Variants in TRDMT1 observed in about 807,000 individuals in gnomAD.
TRDMT1 encodes tRNA aspartic acid methyltransferase 1.
In TRDMT1, 49 loss-of-function variants were observed where a neutral mutation model predicts 51.2. The observed-to-expected ratio is 0.96, with a 90% CI of 0.76 to 1.21. TRDMT1 has a LOEUF of 1.21. Among genes scored for constraint, TRDMT1 ranks in the 50% most tolerant of loss-of-function variants. TRDMT1 has a pLI of 0.00. For missense variants in TRDMT1, 534 were observed against 462.3 expected (o/e 1.16, Z -1.42); for synonymous variants, 187 against 164.6 (o/e 1.14, Z -1.04).
rs147275260 is a variant in TRDMT1 at position 17,181,526 on chromosome 10, C to T, written c.65-6866G>A. The stretch of plus-strand genomic sequence containing the variant: ...CATACAAGAGAATAAGTGAATTATA[C>T]TTCCTAAAATCAACTCCAGATTATT... On this transcript the variant is annotated intron_variant, in intron 1 of 10. Coordinates refer to ENST00000377799, the MANE Select transcript of TRDMT1 (RefSeq NM_004412.7). Among the ~76,000 whole-genome samples, 1,236 of 152,316 alleles carry T rather than the reference C, an allele frequency of 8.1e-3. 21 individuals carry two copies. Among genetic ancestry groups the T allele is most frequent in the African/African-American group, 0.027 (1,140 of 41,570 alleles).
At chr10:17,192,422 T>C (rs534726429) in intron 1 of TRDMT1, among the ~76,000 whole-genome samples, 1 of 152,320 alleles carries the variant, frequency 6.6e-6, no homozygotes, top group Admixed American at 6.5e-5. Context: ...TCAAAGTTCG[T>C]CCAAATTATG....
At chr10:17,170,438 G>T (rs1243399497) in intron 2 of TRDMT1, among the ~76,000 whole-genome samples, 1 of 152,136 alleles carries the variant, frequency 6.6e-6, no homozygotes, top group African/African-American at 2.4e-5. Flanking sequence ...AAATACTTTT[G>T]CTTTCAGATA....
In TRDMT1 at chr10:17,153,591, G is replaced by A; in HGVS notation, c.991C>T (p.Gln331Ter). Residue 331 changes from glutamine (Q) to a stop codon, truncating the protein, a stop_gained, in exon 10 of 11, where the codon CAG becomes TAG. Coordinates refer to ENST00000377799, the MANE Select transcript of TRDMT1 (RefSeq NM_004412.7). LOFTEE classifies it high-confidence loss of function. Reference sequence around the variant, plus strand: ...TTAAGTATTAACAGCTTTGTTATCTGTTCTTCTTGTGACAAATTGGTAAGG... The same window carrying A: ...TTAAGTATTAACAGCTTTGTTATCTATTCTTCTTGTGACAAATTGGTAAGG... ...KSLTNLSQEEQITKLLILKLR... is the reference protein window; with the variant it reads ...KSLTNLSQEE 1.2e-6 allele frequency: 2 copies of A among 1,606,184 alleles called. No individual in the cohort carries two copies. Among genetic ancestry groups the A allele is most frequent in the Non-Finnish European group, 1.7e-6 (2 of 1,177,102 alleles).
At chr10:17,178,503 T>G (rs1588622784) in intron 1 of TRDMT1, among the ~76,000 whole-genome samples, 1 of 151,718 alleles carries the variant, frequency 6.6e-6, no homozygotes, top group South Asian at 2.1e-4. Flanking sequence ...TAGTGAAACC[T>G]CATCTCTACT....
chr10:17,140,203 C>T lies in TRDMT1; in HGVS notation c.*8837G>A, dbSNP rs1173109822. Among the ~76,000 whole-genome samples, 2 of 146,180 alleles carry T rather than the reference C, an allele frequency of 1.4e-5. No individual in the cohort carries two copies. Among genetic ancestry groups the T allele is most frequent in the Non-Finnish European group, 3.0e-5 (2 of 67,038 alleles). On this transcript the variant is annotated 3_prime_UTR_variant, in exon 11 of 11. Coordinates refer to ENST00000377799, the MANE Select transcript of TRDMT1 (RefSeq NM_004412.7). Reference sequence around the variant, plus strand: ...AGCTGAGATTACAGGCACATGCCACCACATCCAGCTATTTTTTTTTTTTTT... The same window carrying T: ...AGCTGAGATTACAGGCACATGCCACTACATCCAGCTATTTTTTTTTTTTTT...
rs1265582900 is a variant in TRDMT1 at position 17,143,656 on chromosome 10, A to G, written c.*5384T>C. The G allele has an allele frequency of 2.3e-5, 23 of 985,364 alleles. No individual in the cohort carries two copies. The highest frequency in any genetic ancestry group is 2.7e-5 in the Non-Finnish European group (22 of 829,950). The allele number at this position is 985,364 out of a possible 1,614,324, so 61.0% of individuals were successfully genotyped here. A position where few individuals can be genotyped will look rare whatever the true frequency, so the allele number is the denominator to read the frequency against. ...CAAGCACACAAATATGATTGCAAAT[A>G]TATGTGTGGGTGTTTTTAAATCTCA... On this transcript the variant is annotated 3_prime_UTR_variant, in exon 11 of 11. Transcript: ENST00000377799.
intron 1 of TRDMT1, among the ~76,000 whole-genome samples, chr10:17,194,543 T>C (rs1260809942): frequency 6.6e-6 from 1 of 151,222 alleles, no homozygotes; most frequent in Admixed American, 6.6e-5. Flanking sequence ...ATCAACAAAA[T>C]GAAAAAAAAT....
In TRDMT1 at chr10:17,157,594, T is replaced by A. The variant is rs746835870; in HGVS notation, c.734A>T (p.Asp245Val). The part of the protein sequence containing the change: ...AEEIHRKNQQ[D>V]SDLSVKMLKD... ...TAGCATTTTCACAGAGAGATCACTATCTTGTTGATTTTTCCTGTGAATTTC... is the reference window on the plus strand; with the variant it reads ...TAGCATTTTCACAGAGAGATCACTAACTTGTTGATTTTTCCTGTGAATTTC... The change falls in exon 8 of 11, where the codon GAT becomes GTT. Residue 245 changes from aspartate (D) to valine (V), a missense_variant. By Grantham distance (152) the Asp-to-Val change is radical (BLOSUM62 -3). Transcript: ENST00000377799. 2.5e-6 allele frequency: 4 copies of A among 1,614,056 alleles called. No individual in the cohort carries two copies. The highest frequency in any genetic ancestry group is 4.5e-5 in the East Asian group (2 of 44,864).
intron 10 of TRDMT1, chr10:17,151,978 A>G (rs1412742574): frequency 1.1e-5 from 14 of 1,282,590 alleles, no homozygotes; most frequent in Non-Finnish European, 1.4e-5. Context: ...ACCAAGGTTC[A>G]GTATTACCAA....
At chr10:17,196,066 C>T (rs1845384945) in intron 1 of TRDMT1, among the ~76,000 whole-genome samples, 1 of 152,202 alleles carries the variant, frequency 6.6e-6, no homozygotes, top group Non-Finnish European at 1.5e-5. Context: ...CAGTTACAAA[C>T]ACACCCAGTT....
intron 2 of TRDMT1, among the ~76,000 whole-genome samples, chr10:17,172,257 T>C (rs1052481605): frequency 1.3e-5 from 2 of 152,136 alleles, no homozygotes; most frequent in African/African-American, 4.8e-5. Context: ...AAAGCAGAAA[T>C]TATTACAGAC....
chr10:17,146,478 T>A lies in TRDMT1; in HGVS notation c.*2562A>T. On this transcript the variant is annotated 3_prime_UTR_variant, in exon 11 of 11. Coordinates refer to ENST00000377799, the MANE Select transcript of TRDMT1 (RefSeq NM_004412.7). ...CCTCTTCGAAATCATTTTCCAACTA[T>A]GACTCATTTTGTTTACATTAATTGA... 2.0e-6 allele frequency: 2 copies of A among 985,396 alleles called. No individual in the cohort carries two copies. Among genetic ancestry groups the A allele is most frequent in the Non-Finnish European group, 1.2e-6 (1 of 829,892 alleles). The allele number at this position is 985,396 out of a possible 1,614,324, so 61.0% of individuals were successfully genotyped here.
chr10:17,187,123 G>A (rs555105653), intron 1 of TRDMT1, among the ~76,000 whole-genome samples: 1 of 152,244 alleles, frequency 6.6e-6, no homozygotes, highest in Admixed American at 6.5e-5. Context: ...TGACTGTCTC[G>A]TTCAATGCTG....
intron 10 of TRDMT1, chr10:17,150,942 GA>G (rs1036252383): frequency 8.1e-5 from 80 of 985,116 alleles, no homozygotes; most frequent in Non-Finnish European, 9.4e-5. Context: ...AATTACCTCA[GA>G]AGGAAAGAAA....
At chr10:17,170,478 G>C (rs1841812481) in intron 2 of TRDMT1, among the ~76,000 whole-genome samples, 1 of 152,176 alleles carries the variant, frequency 6.6e-6, no homozygotes, top group Admixed American at 6.5e-5. Context: ...GGCTAACACT[G>C]TTCATCCTGT....
chr10:17,185,860 A>G (rs957117874), intron 1 of TRDMT1, among the ~76,000 whole-genome samples: 1 of 152,038 alleles, frequency 6.6e-6, no homozygotes, highest in Non-Finnish European at 1.5e-5. Context: ...GAACAATGAG[A>G]ACACTTGGAC....
In TRDMT1 at chr10:17,196,735, T is replaced by C. The variant is rs1421423126; in HGVS notation, c.64+4836A>G. 2.6e-5 allele frequency among the ~76,000 whole-genome samples: 4 copies of C among 152,184 alleles called. No homozygotes were observed. In the East Asian group the frequency reaches 5.8e-4, roughly 22 times the overall value. On this transcript the variant is annotated intron_variant, in intron 1 of 10. Transcript: ENST00000377799. ...CAGTATGGATCCTTCCTTCCCCAAA[T>C]AGAAGCCAGAACTCACCTTCTCAGC...
intron 1 of TRDMT1, among the ~76,000 whole-genome samples, chr10:17,192,057 C>T (rs1284986721): frequency 6.6e-6 from 1 of 152,062 alleles, no homozygotes; most frequent in Non-Finnish European, 1.5e-5. Context: ...GCAGGTGGGG[C>T]CAAGCAAATC....
At chr10:17,194,949 C>CAAAAAAAAAAAAAAAAAAAA (rs1157484978) in intron 1 of TRDMT1, among the ~76,000 whole-genome samples, 1 of 85,286 alleles carries the variant, frequency 1.2e-5, no homozygotes, top group African/African-American at 3.7e-5. Context: ...AAAAAAAAGT[C>CAAAAAAAAAAAAAAAAAAAA]AAAAAAAAAA....
Sources: allele counts gnomAD v4.1 joint callset (sites outside exome capture counted in the v4.1 genomes callset), GRCh38; gene constraint gnomAD v4.1.1; transcripts MANE v1.5; gene names NCBI Gene and HGNC (gene_info 2026-07-23, HGNC 2026-07-21).